EIF2AK4: variants seen among roughly 807,000 people sequenced by gnomAD.
EIF2AK4 encodes eukaryotic translation initiation factor 2 alpha kinase 4, also known as eIF-2-alpha kinase GCN2.
Under a neutral mutation model 211.1 loss-of-function variants are expected in EIF2AK4, and 139 were observed. The ratio of observed to expected loss-of-function variants is 0.66; its 90% CI spans 0.57 to 0.76. The LOEUF (loss-of-function observed/expected upper bound fraction) is 0.76, where lower values mean the gene tolerates loss of function less well. EIF2AK4 is among the 30% of genes least tolerant of loss of function. EIF2AK4 has a pLI of 0.00. For missense variants in EIF2AK4, 1,664 were observed against 2,043.8 expected, an observed-to-expected ratio of 0.81 and a Z score of 3.58; for synonymous variants, 710 against 751.3, an observed-to-expected ratio of 0.94 and a Z score of 0.90.
intron 9 of EIF2AK4, among the ~76,000 whole-genome samples, chr15:39,968,390 T>C (rs1476266798): frequency 6.6e-6 from 1 of 152,234 alleles, no homozygotes. Context: ...AGGTGCATGT[T>C]TAATTACAAA....
At chr15:39,943,868 T>C (rs1464404116) in intron 3 of EIF2AK4, among the ~76,000 whole-genome samples, 1 of 151,984 alleles carries the variant, frequency 6.6e-6, no homozygotes, top group East Asian at 1.9e-4. Flanking sequence ...GGTGGGAGAA[T>C]TGCGTGAGCC....
intron 5 of EIF2AK4, 74 bp from the exon 6 acceptor site, chr15:39,955,546 T>C: frequency 6.8e-7 from 1 of 1,462,956 alleles, no homozygotes. Flanking sequence ...CTATACTGAA[T>C]TAATAATTAT....
At chr15:39,997,381 T>C (rs537684634) in intron 19 of EIF2AK4, among the ~76,000 whole-genome samples, 2 of 152,344 alleles carry the variant, frequency 1.3e-5, no homozygotes, top group East Asian at 3.9e-4. Flanking sequence ...AATGGAACCC[T>C]ACCTCTGATG....
intron 32 of EIF2AK4, among the ~76,000 whole-genome samples, chr15:40,022,947 A>C (rs985505846): frequency 1.3e-5 from 2 of 152,094 alleles, no homozygotes; most frequent in African/African-American, 4.8e-5. Context: ...GTTGGCCAGG[A>C]TGGTCTCCTG....
chr15:40,023,198 T>A (rs1247313811), intron 32 of EIF2AK4, among the ~76,000 whole-genome samples: 1 of 152,290 alleles, frequency 6.6e-6, no homozygotes, highest in Non-Finnish European at 1.5e-5. Flanking sequence ...AAGTTGTATC[T>A]GCTGATAGGC....
chr15:40,002,909 C>A, intron 22 of EIF2AK4, 121 bp downstream of exon 22: 1 of 1,154,502 alleles, frequency 8.7e-7, no homozygotes, highest in Non-Finnish European at 1.2e-6. Context: ...AAATAATTGA[C>A]ATCATATGGA....
chr15:39,963,860 T>C, intron 7 of EIF2AK4, among the ~76,000 whole-genome samples: 1 of 152,196 alleles, frequency 6.6e-6, no homozygotes, highest in Non-Finnish European at 1.5e-5. Context: ...AACTATGAAA[T>C]GCCTGCCTAG....
intron 13 of EIF2AK4, among the ~76,000 whole-genome samples, chr15:39,981,605 G>C (rs1004937235): frequency 6.8e-6 from 1 of 146,252 alleles, no homozygotes; most frequent in Non-Finnish European, 1.5e-5. Flanking sequence ...TACCAGAGCA[G>C]AGCTTTTTTT....
intron 26 of EIF2AK4, among the ~76,000 whole-genome samples, chr15:40,010,445 A>G (rs571026551): frequency 6.6e-6 from 1 of 152,194 alleles, no homozygotes; most frequent in Non-Finnish European, 1.5e-5. Flanking sequence ...CATAGTATTC[A>G]TTACTTTATA....
chr15:40,017,010 G>T (rs2140943011), intron 28 of EIF2AK4, 98 bp from the exon 29 acceptor site: 1 of 1,465,782 alleles, frequency 6.8e-7, no homozygotes, highest in Non-Finnish European at 9.4e-7. Context: ...TAAATAGATT[G>T]TTCTGATGCT....
chr15:39,999,965 G>A (rs1056200863), intron 20 of EIF2AK4, among the ~76,000 whole-genome samples: 2 of 152,016 alleles, frequency 1.3e-5, no homozygotes, highest in African/African-American at 2.4e-5. Context: ...TTTGAGTCTG[G>A]GCTGTACAAA....
At position 40,005,456 on chromosome 15, in the gene EIF2AK4, C is replaced by T. The variant is rs9672191; in HGVS notation, c.3358-1560C>T. Reference sequence around the variant, plus strand: ...AGGTTGCAGTGAGCTGAGATTGCACCACTGCACTCCAGCCTGGACAACAGA... The same window carrying T: ...AGGTTGCAGTGAGCTGAGATTGCACTACTGCACTCCAGCCTGGACAACAGA... On this transcript the variant is annotated intron_variant, in intron 23 of 38. Transcript: ENST00000263791. 2.1e-3 allele frequency among the ~76,000 whole-genome samples: 315 copies of T among 151,888 alleles called. 1 individual carries two copies. The highest frequency in any genetic ancestry group is 7.3e-3 in the African/African-American group (301 of 41,440).
intron 33 of EIF2AK4, among the ~76,000 whole-genome samples, chr15:40,028,401 C>A (rs1180830708): frequency 6.6e-6 from 1 of 152,200 alleles, no homozygotes. Flanking sequence ...CAGCAATTCT[C>A]AACCAACAAT....
At chr15:40,007,855 A>G (rs776879342) in intron 24 of EIF2AK4, among the ~76,000 whole-genome samples, 172 bp from the exon 25 acceptor site, 1 of 152,148 alleles carries the variant, frequency 6.6e-6, no homozygotes, top group Non-Finnish European at 1.5e-5. Flanking sequence ...GGGAATTGGA[A>G]CCTAGATCAC....
chr15:40,016,796 T>C lies in EIF2AK4; in HGVS notation c.3930+124T>C. Reference sequence around the variant, plus strand: ...ATTTTTCCAGAAAAACTGCTTTCTGTGTTTTGGAGCATTTGATATTTAGTA... The same window carrying C: ...ATTTTTCCAGAAAAACTGCTTTCTGCGTTTTGGAGCATTTGATATTTAGTA... On this transcript the variant is annotated intron_variant, in intron 28 of 38. Transcript: ENST00000263791. 6.3e-6 allele frequency: 8 copies of C among 1,265,284 alleles called. No homozygotes were observed. The East Asian group carries it at 1.8e-4, about 28-fold the overall frequency. The allele number at this position is 1,265,284 out of a possible 1,614,324, so 78.4% of individuals were successfully genotyped here.
At chr15:39,935,624 C>T (rs556956897) in intron 1 of EIF2AK4, among the ~76,000 whole-genome samples, 109 of 152,220 alleles carry the variant, frequency 7.2e-4, no homozygotes, top group Middle Eastern at 3.4e-3. Flanking sequence ...GGCCACCGCG[C>T]CTGGCCTCTT....
At chr15:39,958,812 T>G (rs1270796295) in intron 6 of EIF2AK4, among the ~76,000 whole-genome samples, 1 of 152,118 alleles carries the variant, frequency 6.6e-6, no homozygotes, top group Admixed American at 6.5e-5. Context: ...ATCTACACAT[T>G]GATCATAATG....
intron 29 of EIF2AK4, among the ~76,000 whole-genome samples, 161 bp from the exon 30 acceptor site, chr15:40,018,932 T>C (rs1213631992): frequency 6.6e-6 from 1 of 152,276 alleles, no homozygotes; most frequent in African/African-American, 2.4e-5. Flanking sequence ...TAAATTTGCA[T>C]GTGTGCTTGC....
chr15:39,957,121 T>G (rs894913856), intron 6 of EIF2AK4, among the ~76,000 whole-genome samples: 1 of 152,248 alleles, frequency 6.6e-6, no homozygotes, highest in Non-Finnish European at 1.5e-5. Flanking sequence ...CTAGGAAATA[T>G]CTAACAAATT....
Sources: gnomAD v4.1 joint callset for allele counts (sites outside exome capture counted in the v4.1 genomes callset) on GRCh38, gnomAD v4.1.1 for gene constraint, MANE v1.5 for transcripts, NCBI Gene and HGNC (gene_info 2026-07-23, HGNC 2026-07-21) for gene names.